The following ADAMTS19 variants were observed in gnomAD, a reference collection of about 807,000 sequenced individuals.
ADAMTS19 encodes A disintegrin and metalloproteinase with thrombospondin motifs 19.
In ADAMTS19, 93 loss-of-function variants were observed where a neutral mutation model predicts 153.3. That is an observed-to-expected ratio of 0.61 (90% CI 0.51 to 0.72). The LOEUF (loss-of-function observed/expected upper bound fraction) is 0.72. Among genes scored for constraint, ADAMTS19 ranks in the 30% least tolerant of loss-of-function variants. ADAMTS19 has a pLI of 0.00. For missense variants in ADAMTS19, 1,482 were observed against 1,552.1 expected (o/e 0.95, Z 0.76); for synonymous variants, 600 against 556.6 (o/e 1.08, Z -1.10).
intron 2 of ADAMTS19, among the ~76,000 whole-genome samples, chr5:129,485,650 A>G (rs542244173): frequency 9.7e-4 from 147 of 152,302 alleles, no homozygotes; most frequent in African/African-American, 3.3e-3. Context: ...TAAAACAATA[A>G]TAAGTAAATA....
chr5:129,499,296 T>C (rs746020625), intron 2 of ADAMTS19, among the ~76,000 whole-genome samples: 18 of 152,032 alleles, frequency 1.2e-4, no homozygotes, highest in Non-Finnish European at 2.1e-4. Flanking sequence ...AGAAATGAGA[T>C]AACTATCAGA....
intron 7 of ADAMTS19, among the ~76,000 whole-genome samples, chr5:129,577,917 T>G (rs1749231216): frequency 6.6e-6 from 1 of 151,850 alleles, no homozygotes; most frequent in Non-Finnish European, 1.5e-5. Context: ...GCCAACTTTC[T>G]TATACATTTA....
At chr5:129,615,551 T>C (rs1006479747) in intron 8 of ADAMTS19, among the ~76,000 whole-genome samples, 1 of 152,030 alleles carries the variant, frequency 6.6e-6, no homozygotes, top group Non-Finnish European at 1.5e-5. Flanking sequence ...AAGTGGTTCA[T>C]TATTAACATT....
chr5:129,551,940 C>CT (rs772765433), intron 7 of ADAMTS19, 33 bp downstream of exon 7: 7 of 1,468,900 alleles, frequency 4.8e-6, no homozygotes, highest in Non-Finnish European at 5.5e-6. Context: ...TTTTGGAGTT[C>CT]TGGAGAACTT....
chr5:129,669,088 GTA>G (rs367655854), intron 16 of ADAMTS19, among the ~76,000 whole-genome samples: 12 of 149,044 alleles, frequency 8.1e-5, no homozygotes, highest in Non-Finnish European at 1.2e-4. Context: ...ATATATATGT[GTA>G]TATATATATA....
chr5:129,702,941 A>ATATATATATATATATAT (rs1554108030), intron 20 of ADAMTS19, among the ~76,000 whole-genome samples: 19 of 29,222 alleles, frequency 6.5e-4, no homozygotes, highest in African/African-American at 1.5e-3. Context: ...AAAAAAAAAA[A>ATATATATATATATATAT]ATATATATAT....
intron 13 of ADAMTS19, among the ~76,000 whole-genome samples, chr5:129,649,964 G>C (rs1753242819): frequency 6.6e-6 from 1 of 152,160 alleles, no homozygotes; most frequent in Non-Finnish European, 1.5e-5. Flanking sequence ...GATTGCTTGA[G>C]CTCAAGAGTT....
chr5:129,503,287 A>G (rs750225825), intron 2 of ADAMTS19, among the ~76,000 whole-genome samples: 1 of 152,158 alleles, frequency 6.6e-6, no homozygotes, highest in African/African-American at 2.4e-5. Flanking sequence ...TTTTAAGATG[A>G]TAAGACAATA....
intron 3 of ADAMTS19, among the ~76,000 whole-genome samples, chr5:129,523,565 T>A (rs1751899198): frequency 6.6e-6 from 1 of 152,170 alleles, no homozygotes; most frequent in South Asian, 2.1e-4. Context: ...CATGAATGGC[T>A]GCATAATGTG....
chr5:129,487,968 G>A (rs1447244517), intron 2 of ADAMTS19, among the ~76,000 whole-genome samples: 3 of 151,980 alleles, frequency 2.0e-5, no homozygotes, highest in African/African-American at 7.2e-5. Context: ...CTACATGTGG[G>A]ATAAGTTGAA....
intron 2 of ADAMTS19, among the ~76,000 whole-genome samples, chr5:129,508,192 TAGTATATG>T (rs1295782180): frequency 2.0e-5 from 3 of 152,004 alleles, no homozygotes; most frequent in Non-Finnish European, 2.9e-5. Context: ...ATACAGGTTT[TAGTATATG>T]ATTTATTCAA....
chr5:129,565,407 T>G (rs531260237), intron 7 of ADAMTS19, among the ~76,000 whole-genome samples: 3 of 152,298 alleles, frequency 2.0e-5, no homozygotes, highest in African/African-American at 7.2e-5. Flanking sequence ...GGAAATATAC[T>G]TTGAAGATAA....
At chr5:129,590,734 T>C (rs1750093809) in intron 7 of ADAMTS19, among the ~76,000 whole-genome samples, 1 of 152,224 alleles carries the variant, frequency 6.6e-6, no homozygotes, top group South Asian at 2.1e-4. Context: ...AGACAACTTA[T>C]TATTGAAAAA....
chr5:129,623,314 C>CT (rs199750983), intron 10 of ADAMTS19, among the ~76,000 whole-genome samples: 112 of 151,352 alleles, frequency 7.4e-4, no homozygotes, highest in East Asian at 3.1e-3. Flanking sequence ...CTCTAGTAAC[C>CT]TTTTTTTTTC....
chr5:129,502,812 T>A (rs1008353650), intron 2 of ADAMTS19, among the ~76,000 whole-genome samples: 1 of 152,204 alleles, frequency 6.6e-6, no homozygotes, highest in Non-Finnish European at 1.5e-5. Flanking sequence ...ACCTTATGTA[T>A]TGAAGGCATG....
chr5:129,552,572 T>G (rs890671885), intron 7 of ADAMTS19, among the ~76,000 whole-genome samples: 3 of 151,676 alleles, frequency 2.0e-5, no homozygotes, highest in African/African-American at 7.3e-5. Flanking sequence ...TAGCTGTGTG[T>G]AACAATATAT....
intron 13 of ADAMTS19, among the ~76,000 whole-genome samples, chr5:129,649,198 T>A (rs1753204422): frequency 6.6e-6 from 1 of 152,202 alleles, no homozygotes; most frequent in African/African-American, 2.4e-5. Flanking sequence ...TACAAAGCAG[T>A]GACAACACTA....
intron 16 of ADAMTS19, among the ~76,000 whole-genome samples, chr5:129,672,294 A>G (rs1205533863): frequency 6.6e-6 from 1 of 152,176 alleles, no homozygotes; most frequent in Non-Finnish European, 1.5e-5. Context: ...ATTAGGGGGT[A>G]GGGTTTTAAC....
At chr5:129,561,553 AAAAATGG>A (rs1753518576) in intron 7 of ADAMTS19, among the ~76,000 whole-genome samples, 1 of 150,974 alleles carries the variant, frequency 6.6e-6, no homozygotes, top group Non-Finnish European at 1.5e-5. Context: ...AAAAAAAAAG[AAAAATGG>A]AGGACTATTT....
Sources: allele counts gnomAD v4.1 joint callset (sites outside exome capture counted in the v4.1 genomes callset), GRCh38; gene constraint gnomAD v4.1.1; transcripts MANE v1.5; gene names NCBI Gene and HGNC (gene_info 2026-07-23, HGNC 2026-07-21).